Variants in DST observed in about 807,000 individuals in gnomAD.
DST encodes the protein dystonin, also known as bullous pemphigoid antigen.
A neutral mutation model predicts 875.2 loss-of-function variants in DST; 253 were observed. The observed-to-expected ratio is 0.29, with a 90% CI of 0.26 to 0.32. The LOEUF is 0.32. DST is among the 10% of genes least tolerant of loss of function. DST has a pLI of 1.00. For synonymous variants in DST, 3,124 were observed against 3,197.1 expected (o/e 0.98, Z 0.77); for missense variants, 8,287 against 9,111.6 (o/e 0.91, Z 3.68).
At chr6:56,709,018 T>C (rs1358313429) in intron 5 of DST, among the ~76,000 whole-genome samples, 2 of 152,212 alleles carry the variant, frequency 1.3e-5, no homozygotes, top group Admixed American at 1.3e-4. Context: ...TCTGGATCAA[T>C]AGTGCTAGAG....
chr6:56,576,497 T>C (rs544828130), intron 50 of DST, among the ~76,000 whole-genome samples: 10 of 152,216 alleles, frequency 6.6e-5, no homozygotes, highest in African/African-American at 2.4e-4. Flanking sequence ...TAATTCCAGG[T>C]AGACAGTGTC....
At chr6:56,802,898 T>A (rs1398149840) in intron 4 of DST, among the ~76,000 whole-genome samples, 2 of 152,174 alleles carry the variant, frequency 1.3e-5, no homozygotes, top group African/African-American at 4.8e-5. Flanking sequence ...TCAAATTCAA[T>A]TCGAGAAAAG....
Position 56,552,445 on chromosome 6 carries a change from C to G in DST, c.16347G>C (p.Met5449Ile). The change falls in exon 61 of 104, where the codon ATG becomes ATC. Residue 5449 changes from methionine (M) to isoleucine (I), a missense_variant. Physicochemically the swap from Met to Ile is conservative, Grantham distance 10 (BLOSUM62 1). Transcript: ENST00000680361. ...NDNANKTCKM[M>I]LATEETSPDL... is the part of the protein sequence containing the mutation. Reference sequence around the variant, plus strand: ...CAGGAGAGGTTTCTTCTGTGGCTAACATCATCTTGCAGGTTTTATTGGCAT... The same window carrying G: ...CAGGAGAGGTTTCTTCTGTGGCTAAGATCATCTTGCAGGTTTTATTGGCAT... The G allele has an allele frequency of 6.2e-7, 1 of 1,613,992 alleles. No homozygotes were observed. Among genetic ancestry groups the G allele is most frequent in the Admixed American group, 1.7e-5 (1 of 60,020 alleles).
rs1235769595 is a variant in DST at position 56,634,820 on chromosome 6, C to G, written c.3320G>C (p.Cys1107Ser). 6.2e-7 allele frequency: 1 copy of G among 1,613,936 alleles called. No individual in the cohort carries two copies. Among genetic ancestry groups the G allele is most frequent in the East Asian group, 2.2e-5 (1 of 44,884 alleles). Residue 1107 changes from cysteine (C) to serine (S), a missense_variant, in exon 25 of 104, where the codon TGT (cysteine) becomes TCT (serine). Around this residue, in one of 10 missense-constraint regions of DST, gnomAD observed 1,160 missense variants for 1,424.3 expected, o/e 0.81. Coordinates refer to ENST00000680361, the MANE Select transcript of DST (RefSeq NM_001374736.1). ...AAGTACCTCAATTTGTCTGTAGTCA[C>G]AGATAGCTTTGATCGGAATAGAAGT... The part of the protein sequence containing the change: ...LKTSIPIKAI[C>S]DYRQIEITIY...
intron 2 of DST, among the ~76,000 whole-genome samples, chr6:56,932,463 C>T (rs1240883345): frequency 6.6e-6 from 1 of 152,016 alleles, no homozygotes; most frequent in African/African-American, 2.4e-5. Flanking sequence ...CCAGGGTATT[C>T]TGGAAAGCCA....
chr6:56,482,185 G>A lies in DST; in HGVS notation c.21403-7C>T. The stretch of plus-strand genomic sequence containing the variant: ...CCGAGTGGAATTCCTCTGCCTAAGA[G>A]TTCACACACACACACACCCCAAACA... On this transcript the variant is annotated splice_region_variant and splice_polypyrimidine_tract_variant and intron_variant, in intron 89 of 103. Transcript: ENST00000680361. 1 of 1,549,880 alleles carries A rather than the reference G, an allele frequency of 6.5e-7. No individual in the cohort carries two copies.
At chr6:56,619,864 A>G in intron 36 of DST, 1 of 1,614,110 alleles carries the variant, frequency 6.2e-7, no homozygotes, top group East Asian at 2.2e-5. Flanking sequence ...GCTGGAGGGC[A>G]TTAAGTTCAT....
rs950897922 is a variant in DST at position 56,606,058 on chromosome 6, A to G, written c.8570T>C (p.Met2857Thr). 2.5e-6 allele frequency: 4 copies of G among 1,612,914 alleles called. No homozygotes were observed. Among genetic ancestry groups the G allele is most frequent in the Non-Finnish European group, 3.4e-6 (4 of 1,179,272 alleles). ...ACTGTGCATTTTATCCAGAAGAATCATTGTATTAATATTTTCATTTTCATC... is the reference window on the plus strand; with the variant it reads ...ACTGTGCATTTTATCCAGAAGAATCGTTGTATTAATATTTTCATTTTCATC... ...NSDENENINT[M>T]ILLDKMHSCS... is the part of the protein sequence containing the mutation. The change falls in exon 40 of 104, where the codon ATG (methionine) becomes ACG (threonine). Residue 2857 changes from methionine (M) to threonine (T), a missense_variant. By Grantham distance (81) the Met-to-Thr change is moderately conservative. Coordinates refer to ENST00000680361, the MANE Select transcript of DST (RefSeq NM_001374736.1).
intron 5 of DST, among the ~76,000 whole-genome samples, chr6:56,713,039 C>G: frequency 6.6e-6 from 1 of 152,178 alleles, no homozygotes; most frequent in Non-Finnish European, 1.5e-5. Flanking sequence ...TCATGTGCTT[C>G]TAACACAAGG....
intron 49 of DST, among the ~76,000 whole-genome samples, chr6:56,589,518 C>T (rs946205813): frequency 1.3e-5 from 2 of 152,168 alleles, no homozygotes; most frequent in Non-Finnish European, 2.9e-5. Flanking sequence ...CAGAAGACAG[C>T]GAAGTCTATA....
chr6:56,951,089 G>A (rs1822040796), intron 2 of DST, among the ~76,000 whole-genome samples: 1 of 152,134 alleles, frequency 6.6e-6, no homozygotes, highest in Non-Finnish European at 1.5e-5. Context: ...ACCTGAAAAG[G>A]AACCGGCTAA....
chr6:56,489,403 A>T, intron 86 of DST, 87 bp downstream of exon 86: 2 of 1,357,210 alleles, frequency 1.5e-6, no homozygotes, highest in Admixed American at 2.6e-5. Flanking sequence ...TTCTTTAGTG[A>T]TGAATAAACA....
At chr6:56,528,449 G>A (rs2096839540) in intron 67 of DST, among the ~76,000 whole-genome samples, 1 of 152,286 alleles carries the variant, frequency 6.6e-6, no homozygotes, top group East Asian at 1.9e-4. Flanking sequence ...TGAAGCCCAT[G>A]TATAGCTATG....
chr6:56,620,883 A>G (rs1187245005), intron 36 of DST, among the ~76,000 whole-genome samples: 1 of 152,196 alleles, frequency 6.6e-6, no homozygotes, highest in Non-Finnish European at 1.5e-5. Flanking sequence ...AGCCTCAGAA[A>G]GTCAGCAGAA....
At position 56,472,173 on chromosome 6, in the gene DST, T is replaced by A; in HGVS notation, c.22044A>T (p.Gln7348His). The change falls in exon 94 of 104, where the codon CAA (glutamine) becomes CAT (histidine). Residue 7348 changes from glutamine (Q) to histidine (H), a missense_variant. This residue lies in a region of DST where 1,292 missense variants were observed against 1,552.7 expected (regional missense o/e 0.83). Transcript: ENST00000680361. ...TTACCCTAGGATTTTTGGTTTCAATTTGTGTCTGTGACCCAGAGGGATACA... is the reference window on the plus strand; with the variant it reads ...TTACCCTAGGATTTTTGGTTTCAATATGTGTCTGTGACCCAGAGGGATACA... Reference protein sequence around the residue: ...SSLYPSGSQTQIETKNPRVNL... With the variant: ...SSLYPSGSQTHIETKNPRVNL... 6.2e-7 allele frequency: 1 copy of A among 1,613,944 alleles called. No individual in the cohort carries two copies. The highest frequency in any genetic ancestry group is 8.5e-7 in the Non-Finnish European group (1 of 1,179,844).
intron 9 of DST, among the ~76,000 whole-genome samples, chr6:56,690,629 C>T (rs1028036610): frequency 3.9e-5 from 6 of 152,176 alleles, no homozygotes; most frequent in African/African-American, 1.2e-4. Flanking sequence ...AGAGCAAAAA[C>T]TGATCACATA....
At chr6:56,670,476 G>A (rs765258052) in intron 10 of DST, 165 bp downstream of exon 10, 79 of 522,302 alleles carry the variant, frequency 1.5e-4, no homozygotes, top group Non-Finnish European at 2.1e-4. Flanking sequence ...TGGGATTACA[G>A]GCATGGGCCA....
At chr6:56,912,137 T>A (rs540310419) in intron 2 of DST, among the ~76,000 whole-genome samples, 1 of 152,276 alleles carries the variant, frequency 6.6e-6, no homozygotes, top group Admixed American at 6.5e-5. Flanking sequence ...CCCAACAAAT[T>A]CTGGGAGAGC....
intron 4 of DST, chr6:56,742,323 C>T: frequency 1.6e-6 from 2 of 1,289,798 alleles, no homozygotes; most frequent in East Asian, 5.5e-5. Context: ...GATCATTTTT[C>T]ATGAGCTGCC....
Sources: allele counts gnomAD v4.1 joint callset (sites outside exome capture counted in the v4.1 genomes callset), GRCh38; gene constraint gnomAD v4.1.1; regional missense constraint gnomAD v4.1.1; transcripts MANE v1.5; gene names NCBI Gene and HGNC (gene_info 2026-07-23, HGNC 2026-07-21).